Variants in RPS6KC1 observed in about 807,000 individuals in gnomAD.
The protein encoded by RPS6KC1 is inactive ribosomal protein S6 kinase delta-1.
RPS6KC1 carries 54 observed loss-of-function variants against 103.8 expected under a neutral mutation model. The ratio of observed to expected loss-of-function variants is 0.52; its 90% CI spans 0.42 to 0.65. The LOEUF (loss-of-function observed/expected upper bound fraction) is 0.65, where lower values mean the gene tolerates loss of function less well. Among genes scored for constraint, RPS6KC1 ranks in the 30% least tolerant of loss-of-function variants. RPS6KC1 has a pLI of 0.00. For missense variants in RPS6KC1, 1,151 were observed against 1,253.8 expected (o/e 0.92, Z 1.24); for synonymous variants, 439 against 438.7 (o/e 1.00, Z -0.01).
chr1:213,265,049 G>A (rs9430122), intron 14 of RPS6KC1, among the ~76,000 whole-genome samples: 41,769 of 152,122 alleles, frequency 0.27, 6,478 homozygotes, highest in East Asian at 0.4. Context: ...AAGAAATTAT[G>A]TGAGGAAAAG....
intron 7 of RPS6KC1, among the ~76,000 whole-genome samples, chr1:213,168,756 G>T (rs2091218704): frequency 6.6e-6 from 1 of 151,924 alleles, no homozygotes; most frequent in African/African-American, 2.4e-5. Flanking sequence ...CCAAGTAGCT[G>T]GGACTACAGG....
At chr1:213,521,963 C>G in the RPS6KC1 span, among the ~76,000 whole-genome samples, 1 of 152,220 alleles carries the variant, frequency 6.6e-6, no homozygotes. Context: ...TTGACCTCCT[C>G]CTGTGAATCA....
At chr1:213,308,298 A>T in the RPS6KC1 span, among the ~76,000 whole-genome samples, 1 of 143,352 alleles carries the variant, frequency 7.0e-6, no homozygotes, top group East Asian at 2.2e-4. Flanking sequence ...TGGGTGACAG[A>T]GTGAGACCCT....
At chr1:213,342,470 G>A in the RPS6KC1 span, among the ~76,000 whole-genome samples, 1 of 152,292 alleles carries the variant, frequency 6.6e-6, no homozygotes, top group Non-Finnish European at 1.5e-5. Flanking sequence ...ACATGCAGAT[G>A]GTCTGTCTGG....
the RPS6KC1 span, among the ~76,000 whole-genome samples, chr1:213,373,903 C>T: frequency 6.6e-6 from 1 of 152,078 alleles, no homozygotes; most frequent in African/African-American, 2.4e-5. Context: ...CCACCGAAAC[C>T]AGAAGCTTCC....
chr1:213,706,119 C>T, the RPS6KC1 span, among the ~76,000 whole-genome samples: 2 of 152,172 alleles, frequency 1.3e-5, no homozygotes, highest in African/African-American at 4.8e-5. Flanking sequence ...CTATGGCCCC[C>T]AGTCCACTAA....
At chr1:213,066,110 CA>C (rs1203409739) in intron 1 of RPS6KC1, among the ~76,000 whole-genome samples, 2 of 152,170 alleles carry the variant, frequency 1.3e-5, no homozygotes, top group African/African-American at 2.4e-5. Context: ...TGTACAGAGT[CA>C]AATTTTCCCT....
the RPS6KC1 span, chr1:213,840,216 A>C: frequency 0.86 from 130,631 of 152,194 alleles, 56,481 homozygotes; most frequent in African/African-American, 0.96. Flanking sequence ...ATAATGATAA[A>C]TATTAATATA....
the RPS6KC1 span, among the ~76,000 whole-genome samples, chr1:213,742,165 A>C: frequency 6.6e-6 from 1 of 152,182 alleles, no homozygotes; most frequent in Non-Finnish European, 1.5e-5. Context: ...AATATAATAA[A>C]AAATAAAAGA....
At chr1:213,216,558 C>T (rs1030254882) in intron 8 of RPS6KC1, among the ~76,000 whole-genome samples, 2 of 152,202 alleles carry the variant, frequency 1.3e-5, no homozygotes, top group African/African-American at 4.8e-5. Context: ...CCCAAATCAA[C>T]AGAATATACA....
intron 6 of RPS6KC1, among the ~76,000 whole-genome samples, chr1:213,162,012 C>T (rs2090520202): frequency 6.6e-6 from 1 of 152,124 alleles, no homozygotes; most frequent in South Asian, 2.1e-4. Flanking sequence ...ATTAAAAACT[C>T]ATAATTTATG....
chr1:213,586,615 AGAGT>A, the RPS6KC1 span, among the ~76,000 whole-genome samples: 1 of 142,290 alleles, frequency 7.0e-6, no homozygotes, highest in Non-Finnish European at 1.5e-5. Flanking sequence ...CCAACTTAAA[AGAGT>A]GAGACAGATG....
At chr1:213,643,805 GT>G in the RPS6KC1 span, among the ~76,000 whole-genome samples, 1 of 151,870 alleles carries the variant, frequency 6.6e-6, no homozygotes, top group Non-Finnish European at 1.5e-5. Flanking sequence ...GTTCAGTAAG[GT>G]CTTTTGTATT....
chr1:213,110,432 A>G (rs1224870998), intron 4 of RPS6KC1, among the ~76,000 whole-genome samples: 1 of 152,088 alleles, frequency 6.6e-6, no homozygotes, highest in African/African-American at 2.4e-5. Flanking sequence ...TCCATAGTAA[A>G]TCTGTGGAGT....
the RPS6KC1 span, among the ~76,000 whole-genome samples, chr1:213,670,080 A>G: frequency 6.6e-6 from 1 of 152,212 alleles, no homozygotes; most frequent in Non-Finnish European, 1.5e-5. Flanking sequence ...CATCTGCAAA[A>G]TGAAGCAGGT....
the RPS6KC1 span, among the ~76,000 whole-genome samples, chr1:213,348,814 T>C: frequency 6.6e-6 from 1 of 152,238 alleles, no homozygotes; most frequent in African/African-American, 2.4e-5. Flanking sequence ...TGTATAACAA[T>C]AAACCCTATG....
chr1:213,594,222 T>C, the RPS6KC1 span, among the ~76,000 whole-genome samples: 2 of 152,134 alleles, frequency 1.3e-5, no homozygotes, highest in Admixed American at 1.3e-4. Context: ...ACCATTTCAG[T>C]AGGATTACAT....
the RPS6KC1 span, among the ~76,000 whole-genome samples, chr1:213,736,464 G>T: frequency 1.3e-5 from 2 of 152,286 alleles, no homozygotes; most frequent in East Asian, 1.9e-4. Context: ...CAACATGATT[G>T]CTTATGCCAA....
the RPS6KC1 span, among the ~76,000 whole-genome samples, chr1:213,693,565 C>T: frequency 1.8e-4 from 28 of 152,272 alleles, no homozygotes; most frequent in African/African-American, 6.7e-4. Flanking sequence ...GAAAGGGAAA[C>T]AACACTGAGT....
Sources: allele counts gnomAD v4.1 joint callset (sites outside exome capture counted in the v4.1 genomes callset), GRCh38; gene constraint gnomAD v4.1.1; transcripts MANE v1.5; gene names NCBI Gene and HGNC (gene_info 2026-07-23, HGNC 2026-07-21).